Variants in DLGAP1 observed in about 807,000 individuals in gnomAD.
DLGAP1 encodes the protein DLG associated protein 1.
DLGAP1 carries 11 observed loss-of-function variants against 90.8 expected under a neutral mutation model. The observed-to-expected ratio is 0.12, with a 90% CI of 0.08 to 0.20. The LOEUF (loss-of-function observed/expected upper bound fraction) is 0.20. Ranked by LOEUF, DLGAP1 falls within the 10% of genes least tolerant of loss-of-function variation. The pLI, the probability that DLGAP1 is intolerant of heterozygous loss-of-function variation, is 1.00. For synonymous variants in DLGAP1, 558 were observed against 540.7 expected, an observed-to-expected ratio of 1.03 and a Z score of -0.44; for missense variants, 1,050 against 1,333.8, an observed-to-expected ratio of 0.79 and a Z score of 3.31.
intron 7 of DLGAP1, among the ~76,000 whole-genome samples, chr18:3,693,082 A>T (rs1256740489): frequency 2.0e-5 from 3 of 152,192 alleles, no homozygotes; most frequent in Non-Finnish European, 4.4e-5. Context: ...AACAAATGTG[A>T]GGCAAACTAT....
chr18:3,956,373 G>A (rs892497918), intron 3 of DLGAP1, among the ~76,000 whole-genome samples: 13 of 151,764 alleles, frequency 8.6e-5, no homozygotes, highest in Admixed American at 2.0e-4. Flanking sequence ...TTTTTGAGAC[G>A]GAGTCTCGCT....
At chr18:4,296,022 A>G (rs944362825) in intron 1 of DLGAP1, among the ~76,000 whole-genome samples, 4 of 152,238 alleles carry the variant, frequency 2.6e-5, no homozygotes, top group Admixed American at 6.5e-5. Flanking sequence ...CAGTTTTAAA[A>G]AAGTATAACC....
intron 2 of DLGAP1, among the ~76,000 whole-genome samples, chr18:4,018,008 A>G (rs1254301957): frequency 1.3e-5 from 2 of 152,188 alleles, no homozygotes; most frequent in African/African-American, 4.8e-5. Flanking sequence ...GACGCAGAAA[A>G]TCACTCACAT....
At chr18:4,428,981 C>G (rs909370458) in intron 1 of DLGAP1, among the ~76,000 whole-genome samples, 1 of 152,148 alleles carries the variant, frequency 6.6e-6, no homozygotes, top group Non-Finnish European at 1.5e-5. Context: ...TCACTAGTGT[C>G]AGGAAATGTC....
At chr18:3,814,368 T>A in intron 4 of DLGAP1, 95 bp from the exon 5 acceptor site, 1 of 1,234,558 alleles carries the variant, frequency 8.1e-7, no homozygotes, top group Non-Finnish European at 1.1e-6. Context: ...TCTATTTTTT[T>A]TTTTTTTTTT....
chr18:4,221,920 T>C (rs758302999), intron 1 of DLGAP1, among the ~76,000 whole-genome samples: 1 of 152,162 alleles, frequency 6.6e-6, no homozygotes, highest in Non-Finnish European at 1.5e-5. Context: ...CACTACCTTC[T>C]TTTTGAAACA....
Position 3,880,944 on chromosome 18 carries a change from GAAAAAAA to G in DLGAP1, c.-72-811_-72-805del, listed in dbSNP as rs1173817359. Among the ~76,000 whole-genome samples, 309 of 38,372 alleles carry G rather than the reference GAAAAAAA, an allele frequency of 8.1e-3. 1 individual carries two copies. Among genetic ancestry groups the G allele is most frequent in the African/African-American group, 0.018 (203 of 11,136 alleles). The allele number at this position is 38,372 out of a possible 152,430, so 25.2% of individuals were successfully genotyped here. A position where few individuals can be genotyped will look rare whatever the true frequency, so the allele number is the denominator to read the frequency against. On this transcript the variant is annotated intron_variant, in intron 3 of 12. Coordinates refer to ENST00000315677, the MANE Select transcript of DLGAP1 (RefSeq NM_004746.4). The stretch of plus-strand genomic sequence containing the variant: ...GGGGACAGAGCCAGACTCCATCTCA[GAAAAAAA>G]AAAAAAAAAAAAAAAAGAAAAAGAA...
intron 8 of DLGAP1, among the ~76,000 whole-genome samples, chr18:3,572,016 T>C (rs1425315828): frequency 6.6e-6 from 1 of 151,910 alleles, no homozygotes; most frequent in East Asian, 1.9e-4. Flanking sequence ...TGTATTTATA[T>C]TATATTCTTT....
At chr18:4,012,422 C>T (rs1425404683) in intron 2 of DLGAP1, among the ~76,000 whole-genome samples, 2 of 152,110 alleles carry the variant, frequency 1.3e-5, no homozygotes, top group Admixed American at 6.5e-5. Flanking sequence ...AAACATCTGC[C>T]ACTGTATAAC....
At chr18:3,814,421 G>A in intron 4 of DLGAP1, 148 bp from the exon 5 acceptor site, 1 of 747,454 alleles carries the variant, frequency 1.3e-6, no homozygotes, top group Non-Finnish European at 2.0e-6. Context: ...GAGTGCAGTG[G>A]TGCAATCTTG....
chr18:3,755,136 T>C (rs1412483703), intron 5 of DLGAP1, among the ~76,000 whole-genome samples: 5 of 151,996 alleles, frequency 3.3e-5, no homozygotes, highest in African/African-American at 4.8e-5. Flanking sequence ...ATGAAAATAA[T>C]TTAAAAATAT....
At chr18:3,534,755 G>C (rs935179197) in intron 9 of DLGAP1, 140 bp from the exon 10 acceptor site, 4 of 788,094 alleles carry the variant, frequency 5.1e-6, no homozygotes, top group African/African-American at 1.8e-5. Flanking sequence ...CAAGTGGCGT[G>C]ATCTCGGCTC....
At chr18:4,133,960 A>G (rs1269952032) in intron 2 of DLGAP1, among the ~76,000 whole-genome samples, 1 of 151,180 alleles carries the variant, frequency 6.6e-6, no homozygotes, top group Admixed American at 6.6e-5. Context: ...ATCGAGGATG[A>G]CCCAAAGATT....
chr18:4,304,854 C>A (rs1568502286), intron 1 of DLGAP1, among the ~76,000 whole-genome samples: 1 of 151,926 alleles, frequency 6.6e-6, no homozygotes, highest in Non-Finnish European at 1.5e-5. Context: ...TCGCTTGAAC[C>A]CAGGAGGCGG....
intron 7 of DLGAP1, among the ~76,000 whole-genome samples, chr18:3,704,446 A>G (rs2061373472): frequency 6.6e-6 from 1 of 151,932 alleles, no homozygotes; most frequent in South Asian, 2.1e-4. Context: ...GGCAGGCGCC[A>G]GTAATCCCAG....
intron 2 of DLGAP1, among the ~76,000 whole-genome samples, chr18:4,010,639 T>A (rs1323726699): frequency 6.6e-6 from 1 of 152,204 alleles, no homozygotes; most frequent in East Asian, 1.9e-4. Context: ...CTGTGTGGAA[T>A]GTATATATTT....
rs558970730 is a variant in DLGAP1 at position 3,723,222 on chromosome 18, A to G, written c.1591+5913T>C. Among the ~76,000 whole-genome samples the G allele has an allele frequency of 4.7e-4, 72 of 152,362 alleles. 1 individual carries two copies. Among genetic ancestry groups the G allele is most frequent in the Admixed American group, 1.5e-3 (23 of 15,298 alleles). On this transcript the variant is annotated intron_variant, in intron 7 of 12. Transcript: ENST00000315677. The stretch of plus-strand genomic sequence containing the variant: ...TTCTGTTTACAGATAGCAGGTAAAC[A>G]AATGGGTGTGAGTTATGCCTGATGA...
At chr18:3,792,326 C>G (rs988175791) in intron 5 of DLGAP1, among the ~76,000 whole-genome samples, 3 of 151,966 alleles carry the variant, frequency 2.0e-5, no homozygotes, top group African/African-American at 7.3e-5. Flanking sequence ...ACTAAAAACA[C>G]AAAAATTAGC....
chr18:4,199,794 G>C (rs58764578), intron 1 of DLGAP1, among the ~76,000 whole-genome samples: 10,139 of 152,182 alleles, frequency 0.067, 963 homozygotes, highest in African/African-American at 0.21. Context: ...TGGCATTCTT[G>C]ATGTTATAAA....
Sources: allele counts gnomAD v4.1 joint callset (sites outside exome capture counted in the v4.1 genomes callset), GRCh38; gene constraint gnomAD v4.1.1; transcripts MANE v1.5; gene names NCBI Gene and HGNC (gene_info 2026-07-23, HGNC 2026-07-21).